LRP1B: variants seen among roughly 807,000 people sequenced by gnomAD.
LRP1B encodes LDL receptor related protein 1B, also known as low-density lipoprotein receptor-related protein 1B.
A neutral mutation model predicts 556.6 loss-of-function variants in LRP1B; 217 were observed. The ratio of observed to expected loss-of-function variants is 0.39; its 90% CI spans 0.35 to 0.44. The LOEUF (loss-of-function observed/expected upper bound fraction) is 0.44. Ranked by LOEUF, LRP1B falls within the 20% of genes least tolerant of loss-of-function variation. The pLI, the probability that LRP1B is intolerant of heterozygous loss-of-function variation, is 1.00. For missense variants in LRP1B, 5,053 were observed against 5,620.8 expected, an observed-to-expected ratio of 0.90 and a Z score of 3.23; for synonymous variants, 2,047 against 1,865.8, an observed-to-expected ratio of 1.10 and a Z score of -2.50.
chr2:141,405,524 C>T (rs1193885240), intron 3 of LRP1B, among the ~76,000 whole-genome samples: 1 of 152,100 alleles, frequency 6.6e-6, no homozygotes, highest in African/African-American at 2.4e-5. Context: ...TAGACACACA[C>T]TATGCTTTTT....
At chr2:140,863,460 C>T (rs1692858451) in intron 27 of LRP1B, among the ~76,000 whole-genome samples, 1 of 152,088 alleles carries the variant, frequency 6.6e-6, no homozygotes. Context: ...TTTTAATAAG[C>T]CCTCCATTAA....
intron 66 of LRP1B, among the ~76,000 whole-genome samples, chr2:140,387,791 T>C (rs1034164649): frequency 1.3e-5 from 2 of 152,168 alleles, no homozygotes; most frequent in African/African-American, 4.8e-5. Context: ...ATATGTTAGA[T>C]TGAATGGCCA....
chr2:140,589,418 T>C (rs989099258), intron 43 of LRP1B, among the ~76,000 whole-genome samples: 4 of 152,154 alleles, frequency 2.6e-5, no homozygotes, highest in African/African-American at 4.8e-5. Context: ...AAGCCACTAA[T>C]GTATGACCCA....
chr2:141,508,477 G>T (rs576062845), intron 2 of LRP1B, among the ~76,000 whole-genome samples: 1 of 152,224 alleles, frequency 6.6e-6, no homozygotes, highest in Admixed American at 6.5e-5. Flanking sequence ...TCTTTCCAGT[G>T]TATAAAGAGA....
intron 3 of LRP1B, among the ~76,000 whole-genome samples, chr2:141,392,460 T>TAAAAAAAA (rs10636398): frequency 8.3e-5 from 8 of 96,084 alleles, no homozygotes; most frequent in African/African-American, 2.0e-4. Flanking sequence ...TGTCCTCTCT[T>TAAAAAAAA]AAAAAAAAAA....
chr2:141,293,044 T>TA (rs992852226), intron 3 of LRP1B, among the ~76,000 whole-genome samples: 3 of 152,154 alleles, frequency 2.0e-5, no homozygotes, highest in East Asian at 1.9e-4. Context: ...TATGCTATTC[T>TA]AAAAAAATCT....
At chr2:141,949,792 C>T (rs1701057970) in intron 1 of LRP1B, among the ~76,000 whole-genome samples, 1 of 152,164 alleles carries the variant, frequency 6.6e-6, no homozygotes, top group Non-Finnish European at 1.5e-5. Context: ...TGGATATCTC[C>T]ATATTTTACA....
At chr2:140,637,826 T>A (rs1246158609) in intron 41 of LRP1B, among the ~76,000 whole-genome samples, 1 of 152,156 alleles carries the variant, frequency 6.6e-6, no homozygotes. Flanking sequence ...AAACCCAATT[T>A]AAGAAATATC....
intron 3 of LRP1B, among the ~76,000 whole-genome samples, chr2:141,441,499 G>C (rs1415806470): frequency 6.6e-6 from 1 of 152,126 alleles, no homozygotes; most frequent in Non-Finnish European, 1.5e-5. Context: ...ACTAATCAGA[G>C]TCCTAATTTT....
chr2:140,611,374 G>A (rs773797026), intron 41 of LRP1B, among the ~76,000 whole-genome samples: 6 of 152,034 alleles, frequency 3.9e-5, no homozygotes, highest in South Asian at 2.1e-4. Context: ...GAGACTACTC[G>A]AAAATTAAAA....
chr2:141,997,439 G>GTA (rs1273862342), intron 1 of LRP1B, among the ~76,000 whole-genome samples: 4 of 39,696 alleles, frequency 1.0e-4, no homozygotes, highest in African/African-American at 3.3e-4. Context: ...GTGTGTGTGT[G>GTA]TATATACACA....
intron 1 of LRP1B, among the ~76,000 whole-genome samples, chr2:142,056,478 T>C (rs191239328): frequency 5.6e-4 from 85 of 152,076 alleles, no homozygotes; most frequent in Admixed American, 4.6e-3. Context: ...GATGGCATAA[T>C]AGGAAGGGAG....
At chr2:140,721,414 A>T (rs1338710426) in intron 35 of LRP1B, among the ~76,000 whole-genome samples, 2 of 152,070 alleles carry the variant, frequency 1.3e-5, no homozygotes, top group Non-Finnish European at 1.5e-5. Context: ...GCCTGTTGAC[A>T]TTTAAAAAAA....
chr2:140,834,396 T>C (rs755461361), intron 31 of LRP1B, among the ~76,000 whole-genome samples: 4 of 152,082 alleles, frequency 2.6e-5, no homozygotes, highest in Non-Finnish European at 4.4e-5. Flanking sequence ...CATGCCATCA[T>C]TCCCAGCTAA....
intron 2 of LRP1B, among the ~76,000 whole-genome samples, chr2:141,551,523 C>A (rs1685749912): frequency 6.6e-6 from 1 of 151,872 alleles, no homozygotes; most frequent in Non-Finnish European, 1.5e-5. Context: ...TATCAATAGC[C>A]CCCAATCAGC....
chr2:141,136,615 A>C (rs1300649628), intron 7 of LRP1B, among the ~76,000 whole-genome samples: 1 of 101,118 alleles, frequency 9.9e-6, no homozygotes, highest in Non-Finnish European at 2.0e-5. Context: ...GGAACACAGG[A>C]TATAAAGTGA....
chr2:141,407,156 T>A (rs1043663532), intron 3 of LRP1B, among the ~76,000 whole-genome samples: 8 of 152,098 alleles, frequency 5.3e-5, no homozygotes, highest in Non-Finnish European at 8.8e-5. Context: ...TGGTGAGGGA[T>A]GCTACTCTTG....
At chr2:141,422,464 C>T (rs928530746) in intron 3 of LRP1B, among the ~76,000 whole-genome samples, 1 of 152,146 alleles carries the variant, frequency 6.6e-6, no homozygotes, top group African/African-American at 2.4e-5. Flanking sequence ...AAGCCACTAA[C>T]ATATTTTAGA....
chr2:141,038,861 T>C (rs1456851814), intron 11 of LRP1B, among the ~76,000 whole-genome samples: 1 of 151,542 alleles, frequency 6.6e-6, no homozygotes, highest in African/African-American at 2.4e-5. Flanking sequence ...AATGTATTTC[T>C]TTATTTTAAT....
Sources: gnomAD v4.1 joint callset for allele counts (sites outside exome capture counted in the v4.1 genomes callset) on GRCh38, gnomAD v4.1.1 for gene constraint, MANE v1.5 for transcripts, NCBI Gene and HGNC (gene_info 2026-07-23, HGNC 2026-07-21) for gene names.